Variants in TDRD5 observed in about 807,000 individuals in gnomAD.
The protein encoded by TDRD5 is tudor domain containing 5.
TDRD5 carries 41 observed loss-of-function variants against 120.6 expected under a neutral mutation model. That is an observed-to-expected ratio of 0.34 (90% CI 0.26 to 0.44). The LOEUF is 0.44. TDRD5 is among the 20% of genes least tolerant of loss of function. The pLI is 1.00. For missense variants in TDRD5, 1,006 were observed against 1,221.2 expected, an observed-to-expected ratio of 0.82 and a Z score of 2.63; for synonymous variants, 430 against 433.7, an observed-to-expected ratio of 0.99 and a Z score of 0.11.
Position 179,630,967 on chromosome 1 carries a change from A to T in TDRD5, c.1126+47A>T. 5 of 1,538,534 alleles carry T rather than the reference A, an allele frequency of 3.2e-6. No individual in the cohort carries two copies. The South Asian group carries it at 3.8e-5, about 12-fold the overall frequency. ...TGCAAACCTCATTTTTATTGTCCTT[A>T]TGAGGACAAAGAGAAAACATGAAAT... On this transcript the variant is annotated intron_variant, in intron 7 of 17. Transcript: ENST00000444136.
intron 14 of TDRD5, among the ~76,000 whole-genome samples, chr1:179,659,608 A>G (rs1159676689): frequency 6.8e-6 from 1 of 147,602 alleles, no homozygotes; most frequent in South Asian, 2.1e-4. Context: ...CTTGCCTGGT[A>G]TATTTTTTTC....
At chr1:179,630,977 A>G in intron 7 of TDRD5, 57 bp downstream of exon 7, 1 of 1,475,936 alleles carries the variant, frequency 6.8e-7, no homozygotes, top group Non-Finnish European at 9.2e-7. Flanking sequence ...ATGAGGACAA[A>G]GAGAAAACAT....
chr1:179,669,126 G>C, intron 16 of TDRD5, 68 bp from the exon 17 acceptor site: 1 of 1,380,344 alleles, frequency 7.2e-7, no homozygotes, highest in Non-Finnish European at 1.0e-6. Context: ...TATAAGTAAG[G>C]AAATAGGGCT....
chr1:179,595,586 G>T (rs756396633), intron 3 of TDRD5, 42 bp from the exon 4 acceptor site: 18 of 1,499,072 alleles, frequency 1.2e-5, no homozygotes, highest in Middle Eastern at 1.8e-4. Context: ...AATAGAAGTT[G>T]CTAGTGACAA....
chr1:179,662,331 C>A (rs749755295), intron 15 of TDRD5, 45 bp downstream of exon 15: 42 of 1,564,930 alleles, frequency 2.7e-5, no homozygotes, highest in Non-Finnish European at 3.3e-5. Flanking sequence ...CCGGGCACTG[C>A]GGCTCAAGCC....
At chr1:179,652,848 C>A (rs1230614559) in intron 13 of TDRD5, among the ~76,000 whole-genome samples, 3 of 152,088 alleles carry the variant, frequency 2.0e-5, no homozygotes, top group Non-Finnish European at 4.4e-5. Flanking sequence ...AGGTTGCAGT[C>A]AAAATGCAGT....
rs746041537 is a variant in TDRD5 at position 179,593,414 on chromosome 1, G to T, written c.233-46G>T. 1.1e-5 allele frequency: 18 copies of T among 1,568,882 alleles called. No individual in the cohort carries two copies. In the African/African-American group the frequency reaches 2.3e-4, roughly 20 times the overall value. The stretch of plus-strand genomic sequence containing the variant: ...ACACAGATACTAAGGATAAAGAAGG[G>T]AGTAAGTTTTCCTCCTAAATATGAT... On this transcript the variant is annotated intron_variant, in intron 2 of 17. Transcript: ENST00000444136.
intron 11 of TDRD5, among the ~76,000 whole-genome samples, chr1:179,643,351 A>G (rs1678157934): frequency 6.6e-6 from 1 of 152,350 alleles, no homozygotes; most frequent in Admixed American, 6.5e-5. Flanking sequence ...AAAATGTGAC[A>G]TATACTCAAG....
intron 17 of TDRD5, among the ~76,000 whole-genome samples, chr1:179,688,933 T>G (rs564964087): frequency 6.6e-6 from 1 of 152,234 alleles, no homozygotes; most frequent in Non-Finnish European, 1.5e-5. Context: ...TTTATTCTAG[T>G]TAGCCATTCA....
chr1:179,599,670 G>T (rs1675595282), intron 4 of TDRD5, among the ~76,000 whole-genome samples: 1 of 151,964 alleles, frequency 6.6e-6, no homozygotes, highest in Admixed American at 6.6e-5. Flanking sequence ...TAGGGTCTGT[G>T]ATGCTTGCTC....
At chr1:179,617,369 C>T (rs1676617066) in intron 4 of TDRD5, among the ~76,000 whole-genome samples, 1 of 152,140 alleles carries the variant, frequency 6.6e-6, no homozygotes, top group South Asian at 2.1e-4. Context: ...ATGTGCCAGG[C>T]ATTATGTTAT....
chr1:179,593,911 G>A, intron 3 of TDRD5, 44 bp downstream of exon 3: 1 of 1,577,498 alleles, frequency 6.3e-7, no homozygotes. Context: ...GCACATAGAG[G>A]GGTGTGTAAT....
In TDRD5 at chr1:179,633,682, G is replaced by C. The variant is rs1488490208; in HGVS notation, c.1127-775G>C. 2.0e-5 allele frequency among the ~76,000 whole-genome samples: 3 copies of C among 151,844 alleles called. No homozygotes were observed. The East Asian group carries it at 5.8e-4, about 29-fold the overall frequency. On this transcript the variant is annotated intron_variant, in intron 7 of 17. Coordinates refer to ENST00000444136, the MANE Select transcript of TDRD5 (RefSeq NM_001199085.3). ...TGTTTTAATGTGCCAACCTCTTGTA[G>C]TTATCATACACATGTAAATTTGAAC...
At chr1:179,626,219 TAATAA>T (rs1553325168) in intron 6 of TDRD5, among the ~76,000 whole-genome samples, 1 of 146,524 alleles carries the variant, frequency 6.8e-6, no homozygotes, top group Non-Finnish European at 1.5e-5. Flanking sequence ...ATAATAATAA[TAATAA>T]AAAGAAAAAA....
rs1025330765 is a variant in TDRD5 at position 179,654,192 on chromosome 1, A to G, written c.2161-9A>G. The stretch of plus-strand genomic sequence containing the variant: ...TTAAAATAAAGGAATTCTCTTTCAT[A>G]TCTACTAGCAAGATATTAATGATGA... On this transcript the variant is annotated splice_polypyrimidine_tract_variant and intron_variant, in intron 13 of 17. Transcript: ENST00000444136. The G allele has an allele frequency of 1.3e-6, 2 of 1,506,402 alleles. No homozygotes were observed. The highest frequency in any genetic ancestry group is 2.2e-5 in the Admixed American group (1 of 44,616). The allele number at this position is 1,506,402 out of a possible 1,614,324, so 93.3% of individuals were successfully genotyped here.
At chr1:179,682,743 C>T (rs997471512) in intron 17 of TDRD5, among the ~76,000 whole-genome samples, 1 of 151,426 alleles carries the variant, frequency 6.6e-6, no homozygotes, top group African/African-American at 2.4e-5. Context: ...CTGGAAAAGC[C>T]TGTGGTCTAG....
At chr1:179,682,262 ATACTT>A (rs1357678566) in intron 17 of TDRD5, among the ~76,000 whole-genome samples, 1 of 151,698 alleles carries the variant, frequency 6.6e-6, no homozygotes, top group African/African-American at 2.4e-5. Flanking sequence ...TATTATTACT[ATACTT>A]AAGTTCTGGG....
chr1:179,679,306 GA>G (rs1680306552), intron 17 of TDRD5, among the ~76,000 whole-genome samples: 1 of 152,106 alleles, frequency 6.6e-6, no homozygotes, highest in African/African-American at 2.4e-5. Context: ...GTTCATGAGG[GA>G]TATTTGTCTA....
At chr1:179,603,615 C>A (rs1360656333) in intron 4 of TDRD5, among the ~76,000 whole-genome samples, 1 of 152,124 alleles carries the variant, frequency 6.6e-6, no homozygotes, top group Non-Finnish European at 1.5e-5. Flanking sequence ...AATGCTTTTT[C>A]TGCATCTATT....
Sources: allele counts gnomAD v4.1 joint callset (sites outside exome capture counted in the v4.1 genomes callset), GRCh38; gene constraint gnomAD v4.1.1; transcripts MANE v1.5; gene names NCBI Gene and HGNC (gene_info 2026-07-23, HGNC 2026-07-21).